GNAO1: variants seen among roughly 807,000 people sequenced by gnomAD.
GNAO1 encodes G protein subunit alpha o1.
For synonymous variants in GNAO1, 164 were observed against 180.7 expected (o/e 0.91, Z 0.74); for missense variants, 166 against 478.7 (o/e 0.35, Z 6.10).
intron 3 of GNAO1, among the ~76,000 whole-genome samples, chr16:56,317,525 A>C (rs1377128995): frequency 1.3e-5 from 2 of 152,220 alleles, no homozygotes; most frequent in Non-Finnish European, 2.9e-5. Flanking sequence ...GAGTTGGATC[A>C]AACAGGAGTG....
chr16:56,287,933 C>T (rs112340927), intron 3 of GNAO1, among the ~76,000 whole-genome samples: 10 of 152,160 alleles, frequency 6.6e-5, no homozygotes, highest in African/African-American at 1.9e-4. Context: ...TGAGATGGCG[C>T]GCTGCATAGA....
intron 2 of GNAO1, among the ~76,000 whole-genome samples, chr16:56,246,825 C>G (rs1330294478): frequency 1.3e-5 from 2 of 152,160 alleles, no homozygotes; most frequent in Non-Finnish European, 2.9e-5. Context: ...CCCTGGGTGT[C>G]ATTCTCTTCA....
chr16:56,314,049 G>T (rs1778604252), intron 3 of GNAO1, among the ~76,000 whole-genome samples: 1 of 152,068 alleles, frequency 6.6e-6, no homozygotes, highest in African/African-American at 2.4e-5. Flanking sequence ...ACACCATTTT[G>T]GTCATTTGGA....
At position 56,281,221 on chromosome 16, in the gene GNAO1, T is replaced by C. The variant is rs545110587; in HGVS notation, c.303+5149T>C. On this transcript the variant is annotated intron_variant, in intron 3 of 8. Coordinates refer to ENST00000262493, the MANE Select transcript of GNAO1 (RefSeq NM_020988.3). ...GGTCCAGAGCAGAGTCCCATTTAGATAGGCACAGTATGATGAGGTAAAACA... is the reference window on the plus strand; with the variant it reads ...GGTCCAGAGCAGAGTCCCATTTAGACAGGCACAGTATGATGAGGTAAAACA... 3.9e-5 allele frequency among the ~76,000 whole-genome samples: 6 copies of C among 152,232 alleles called. No homozygotes were observed. The South Asian group carries it at 8.3e-4, about 21-fold the overall frequency.
intron 2 of GNAO1, among the ~76,000 whole-genome samples, chr16:56,243,252 G>C (rs1158472993): frequency 1.6e-4 from 24 of 152,060 alleles, no homozygotes; most frequent in Admixed American, 1.6e-3. Flanking sequence ...TAATGTACTT[G>C]AGTCATCCTG....
In GNAO1 at chr16:56,244,934, C is replaced by A. The variant is rs1375170875; in HGVS notation, c.162-30997C>A. On this transcript the variant is annotated intron_variant, in intron 2 of 8. Transcript: ENST00000262493. ...TGCCTGGGGAGCTCTGAAAATAAAC[C>A]AGATTGGGAATAGTCAGGATGTGGG... 2.0e-5 allele frequency among the ~76,000 whole-genome samples: 3 copies of A among 152,152 alleles called. No homozygotes were observed. In the East Asian group the frequency reaches 5.8e-4, roughly 29 times the overall value.
chr16:56,240,759 G>T (rs1250106417), intron 2 of GNAO1, among the ~76,000 whole-genome samples: 5 of 152,130 alleles, frequency 3.3e-5, no homozygotes, highest in African/African-American at 1.2e-4. Context: ...GGCACTTAGG[G>T]TGACAAGCTT....
At chr16:56,227,020 T>A (rs1334278097) in intron 2 of GNAO1, among the ~76,000 whole-genome samples, 1 of 152,222 alleles carries the variant, frequency 6.6e-6, no homozygotes, top group African/African-American at 2.4e-5. Flanking sequence ...GACCAGACTC[T>A]GCCCTTTGAT....
chr16:56,221,982 G>A (rs2036493553), intron 2 of GNAO1, among the ~76,000 whole-genome samples: 1 of 152,224 alleles, frequency 6.6e-6, no homozygotes, highest in Non-Finnish European at 1.5e-5. Flanking sequence ...GGGATGGCAA[G>A]AGGCTAGGTG....
In GNAO1 at chr16:56,342,467, T is replaced by C. The variant is rs141985958; in HGVS notation, c.723+5607T>C. ...AGGCTGAGGGCCTTCAGTGCAAAGC[T>C]GGGGTCCTGTTCTTCTGCCCCTTCC... On this transcript the variant is annotated intron_variant, in intron 6 of 8. Transcript: ENST00000262493. Among the ~76,000 whole-genome samples, 839 of 152,310 alleles carry C rather than the reference T, an allele frequency of 5.5e-3. 7 individuals carry two copies. Among genetic ancestry groups the C allele is most frequent in the African/African-American group, 0.019 (789 of 41,568 alleles).
chr16:56,348,862 A>T (rs2037897065), intron 6 of GNAO1, among the ~76,000 whole-genome samples: 1 of 151,826 alleles, frequency 6.6e-6, no homozygotes, highest in Non-Finnish European at 1.5e-5. Context: ...TCCCCATAAA[A>T]CCAGGTTTGG....
chr16:56,318,393 G>A (rs1454338612), intron 3 of GNAO1, among the ~76,000 whole-genome samples: 2 of 152,238 alleles, frequency 1.3e-5, no homozygotes, highest in Non-Finnish European at 2.9e-5. Flanking sequence ...GGCAGCCCAA[G>A]GAAGGCGCGA....
intron 2 of GNAO1, among the ~76,000 whole-genome samples, chr16:56,267,159 G>A (rs574707863): frequency 6.6e-6 from 1 of 152,278 alleles, no homozygotes; most frequent in East Asian, 1.9e-4. Flanking sequence ...GAGGGAGGAG[G>A]GTCCAGGCGG....
chr16:56,288,923 G>T (rs115685711), intron 3 of GNAO1, among the ~76,000 whole-genome samples: 1 of 151,542 alleles, frequency 6.6e-6, no homozygotes, highest in Non-Finnish European at 1.5e-5. Flanking sequence ...ACCGAAGATC[G>T]CCCCTCCCCC....
intron 6 of GNAO1, chr16:56,340,623 G>A (rs552065337): frequency 2.1e-5 from 12 of 576,862 alleles, no homozygotes; most frequent in Non-Finnish European, 2.5e-5. Flanking sequence ...GCCCTGCTCC[G>A]CCCCGCCCTG....
chr16:56,200,193 T>C (rs1206597391), intron 2 of GNAO1, among the ~76,000 whole-genome samples: 1 of 152,174 alleles, frequency 6.6e-6, no homozygotes, highest in Non-Finnish European at 1.5e-5. Context: ...ATTAGGTGTT[T>C]ATTTGTCTGT....
chr16:56,254,044 C>T (rs1469607364), intron 2 of GNAO1, among the ~76,000 whole-genome samples: 1 of 151,542 alleles, frequency 6.6e-6, no homozygotes, highest in Non-Finnish European at 1.5e-5. Flanking sequence ...ATTAAACATA[C>T]ATTGTTTGTT....
intron 4 of GNAO1, among the ~76,000 whole-genome samples, chr16:56,333,034 T>C (rs1216754492): frequency 6.6e-6 from 1 of 151,982 alleles, no homozygotes; most frequent in Non-Finnish European, 1.5e-5. Context: ...TCTCACCCCA[T>C]CCCCACACCG....
chr16:56,210,267 T>C (rs2036374342), intron 2 of GNAO1, among the ~76,000 whole-genome samples: 1 of 152,238 alleles, frequency 6.6e-6, no homozygotes, highest in Non-Finnish European at 1.5e-5. Context: ...TAGCACTGAA[T>C]AATATTCCAC....
Sources: allele counts gnomAD v4.1 joint callset (sites outside exome capture counted in the v4.1 genomes callset), GRCh38; gene constraint gnomAD v4.1.1; transcripts MANE v1.5; gene names NCBI Gene and HGNC (gene_info 2026-07-23, HGNC 2026-07-21).